Variants in ASPH observed in about 807,000 individuals in gnomAD.
ASPH encodes the protein aspartyl/asparaginyl beta-hydroxylase.
A neutral mutation model predicts 118.4 loss-of-function variants in ASPH; 100 were observed. That is an observed-to-expected ratio of 0.84 (90% confidence interval 0.72 to 1.00). ASPH has a LOEUF of 1.00. Among genes scored for constraint, ASPH ranks in the 50% least tolerant of loss-of-function variants. ASPH has a pLI of 0.00. For missense variants in ASPH, 920 were observed against 919.5 expected, an observed-to-expected ratio of 1.00 and a Z score of -0.01; for synonymous variants, 315 against 325.6, an observed-to-expected ratio of 0.97 and a Z score of 0.35.
At chr8:61,581,146 C>G (rs150767741) in intron 15 of ASPH, among the ~76,000 whole-genome samples, 13 of 152,306 alleles carry the variant, frequency 8.5e-5, no homozygotes, top group South Asian at 2.1e-4. Context: ...TGAATCCCTG[C>G]AAGACAGAGG....
At chr8:61,714,076 C>G (rs1282232274) in intron 1 of ASPH, among the ~76,000 whole-genome samples, 193 bp downstream of exon 1, 1 of 152,220 alleles carries the variant, frequency 6.6e-6, no homozygotes, top group Non-Finnish European at 1.5e-5. Flanking sequence ...GACCCCGGTC[C>G]GCCTGGCCCC....
intron 14 of ASPH, among the ~76,000 whole-genome samples, chr8:61,591,864 T>C (rs1484803244): frequency 6.6e-6 from 1 of 152,228 alleles, no homozygotes; most frequent in Non-Finnish European, 1.5e-5. Flanking sequence ...CTAAGAGTTT[T>C]AAGGGTGATG....
intron 15 of ASPH, among the ~76,000 whole-genome samples, chr8:61,581,461 A>G (rs1440950833): frequency 6.6e-6 from 1 of 152,226 alleles, no homozygotes; most frequent in East Asian, 1.9e-4. Context: ...GTGCGGAAGG[A>G]TAATAAGATA....
chr8:61,602,531 C>T (rs1844320013), intron 14 of ASPH, among the ~76,000 whole-genome samples: 1 of 151,284 alleles, frequency 6.6e-6, no homozygotes, highest in Non-Finnish European at 1.5e-5. Flanking sequence ...TCTCCTGCCC[C>T]CAAGATCAAG....
At chr8:61,594,816 C>T (rs1666151675) in intron 14 of ASPH, among the ~76,000 whole-genome samples, 1 of 152,030 alleles carries the variant, frequency 6.6e-6, no homozygotes, top group Admixed American at 6.6e-5. Context: ...TAGGTATCCA[C>T]CAAGGGTTCT....
intron 4 of ASPH, 21 bp downstream of exon 4, chr8:61,653,547 C>A: frequency 1.2e-6 from 2 of 1,610,630 alleles, no homozygotes; most frequent in Non-Finnish European, 1.7e-6. Flanking sequence ...GGGCGAGACT[C>A]GAGGATGAGG....
At chr8:61,676,454 AAAG>A in intron 3 of ASPH, 1 of 808,916 alleles carries the variant, frequency 1.2e-6, no homozygotes. Flanking sequence ...TTTGGAAAAT[AAAG>A]AAGTCCATTA....
intron 19 of ASPH, among the ~76,000 whole-genome samples, chr8:61,554,169 G>A (rs1827009828): frequency 6.6e-6 from 1 of 152,202 alleles, no homozygotes; most frequent in Non-Finnish European, 1.5e-5. Flanking sequence ...ATGCCCACAG[G>A]GCCCTGGCAG....
chr8:61,628,531 CCT>C (rs1854049376), intron 13 of ASPH, among the ~76,000 whole-genome samples: 1 of 151,946 alleles, frequency 6.6e-6, no homozygotes. Context: ...CTACATTTCC[CCT>C]GTCCTCTTTC....
At chr8:61,681,716 A>T (rs1330691187) in intron 2 of ASPH, among the ~76,000 whole-genome samples, 2 of 151,840 alleles carry the variant, frequency 1.3e-5, no homozygotes, top group Admixed American at 6.6e-5. Flanking sequence ...ATACTAAGAA[A>T]AAAAGGGCTT....
intron 14 of ASPH, chr8:61,606,677 G>A (rs1845661542): frequency 6.6e-6 from 1 of 152,102 alleles, no homozygotes; most frequent in African/African-American, 2.4e-5. Flanking sequence ...TATCATCAAC[G>A]TACTGATGAA....
At chr8:61,675,284 A>G in intron 3 of ASPH, 3 of 902,736 alleles carry the variant, frequency 3.3e-6, no homozygotes, top group Non-Finnish European at 4.0e-6. Context: ...TTTAATATGT[A>G]CAACATTAAG....
At chr8:61,597,174 T>A (rs1487328969) in intron 14 of ASPH, among the ~76,000 whole-genome samples, 1 of 127,890 alleles carries the variant, frequency 7.8e-6, no homozygotes, top group Non-Finnish European at 1.6e-5. Flanking sequence ...AGAAGATAGA[T>A]CACTTGAAAT....
intron 1 of ASPH, among the ~76,000 whole-genome samples, chr8:61,699,130 A>G (rs1489896378): frequency 6.6e-6 from 1 of 152,234 alleles, no homozygotes; most frequent in African/African-American, 2.4e-5. Flanking sequence ...TGGTGCCTGA[A>G]GTGAGGGCAG....
chr8:61,581,129 C>T lies in ASPH; in HGVS notation c.1062+2815G>A, dbSNP rs141267656. On this transcript the variant is annotated intron_variant, in intron 15 of 24. Transcript: ENST00000379454. ...TGGGATATTTTGGCTCTGTCTGCAG[C>T]ATCCTTTGAATCCCTGCAAGACAGA... Among the ~76,000 whole-genome samples, 898 of 152,334 alleles carry T rather than the reference C, an allele frequency of 5.9e-3. 4 individuals are homozygous for T. The highest frequency in any genetic ancestry group is 7.2e-3 in the Non-Finnish European group (492 of 68,030).
intron 21 of ASPH, among the ~76,000 whole-genome samples, chr8:61,532,069 G>A (rs183709444): frequency 8.5e-5 from 13 of 152,228 alleles, no homozygotes; most frequent in Middle Eastern, 3.4e-3. Context: ...TAGGACTGTT[G>A]AATTGTATAA....
chr8:61,518,011 C>T (rs962841459), intron 23 of ASPH, 21 bp downstream of exon 23: 1 of 1,592,422 alleles, frequency 6.3e-7, no homozygotes, highest in Admixed American at 1.7e-5. Context: ...TGTATTCTCC[C>T]CAGCACGACA....
intron 24 of ASPH, 78 bp from the exon 25 acceptor site, chr8:61,503,587 C>T (rs542643273): frequency 1.8e-4 from 244 of 1,375,786 alleles, no homozygotes; most frequent in African/African-American, 3.6e-4. Flanking sequence ...TGTCCATGTG[C>T]GAGAACTACC....
At chr8:61,660,228 GCTT>G (rs1407864764) in intron 3 of ASPH, 3 of 151,974 alleles carry the variant, frequency 2.0e-5, no homozygotes, top group Admixed American at 1.3e-4. Flanking sequence ...TAGCTCCACA[GCTT>G]CTTATTTTGA....
Sources: gnomAD v4.1 joint callset for allele counts (sites outside exome capture counted in the v4.1 genomes callset) on GRCh38, gnomAD v4.1.1 for gene constraint, MANE v1.5 for transcripts, NCBI Gene and HGNC (gene_info 2026-07-23, HGNC 2026-07-21) for gene names.